The following FBXL2 variants were observed in gnomAD, a reference collection of about 807,000 sequenced individuals.
FBXL2 encodes the protein F-box/LRR-repeat protein 2.
Under a neutral mutation model 69.2 loss-of-function variants are expected in FBXL2, and 38 were observed. That is an observed-to-expected ratio of 0.55 (90% confidence interval 0.42 to 0.72). The LOEUF (loss-of-function observed/expected upper bound fraction) is 0.72, where lower values mean the gene tolerates loss of function less well. FBXL2 is among the 30% of genes least tolerant of loss of function. FBXL2 has a pLI of 0.00. For synonymous variants in FBXL2, 192 were observed against 201.3 expected (o/e 0.95, Z 0.39); for missense variants, 354 against 520.3 (o/e 0.68, Z 3.11).
At chr3:33,318,970 G>A (rs1454735138) in intron 2 of FBXL2, among the ~76,000 whole-genome samples, 1 of 152,180 alleles carries the variant, frequency 6.6e-6, no homozygotes. Context: ...TGAAGGAGAA[G>A]GGAATGTGGA....
At chr3:33,400,301 A>T in intron 12 of FBXL2, 1 of 1,566,580 alleles carries the variant, frequency 6.4e-7, no homozygotes, top group Non-Finnish European at 8.7e-7. Flanking sequence ...AATGAAAATG[A>T]ACATAAATAA....
At chr3:33,404,698 A>G (rs923600146), downstream of FBXL2, among the ~76,000 whole-genome samples, 7 of 152,154 alleles carry the variant, frequency 4.6e-5, no homozygotes, top group African/African-American at 7.2e-5. Context: ...GTTTTTCTGT[A>G]AGTCAGGTGA....
At chr3:33,368,875 C>T (rs1455884487) in intron 5 of FBXL2, among the ~76,000 whole-genome samples, 1 of 151,902 alleles carries the variant, frequency 6.6e-6, no homozygotes. Flanking sequence ...CGTGAGCCAC[C>T]GTGCCCAGCT....
intron 2 of FBXL2, among the ~76,000 whole-genome samples, chr3:33,336,865 A>G (rs1269771539): frequency 6.6e-6 from 1 of 151,648 alleles, no homozygotes; most frequent in Non-Finnish European, 1.5e-5. Context: ...AGATCCCACC[A>G]CTGCACTGCA....
At chr3:33,358,852 G>A in intron 2 of FBXL2, 115 bp from the exon 3 acceptor site, 5 of 532,198 alleles carry the variant, frequency 9.4e-6, no homozygotes, top group East Asian at 3.1e-5. Flanking sequence ...TCAGATTGAG[G>A]AATCTTGAAA....
chr3:33,360,471 GA>G (rs1227494025), intron 4 of FBXL2, among the ~76,000 whole-genome samples: 1 of 152,126 alleles, frequency 6.6e-6, no homozygotes, highest in African/African-American at 2.4e-5. Flanking sequence ...AATAAAGGGG[GA>G]AACCCCTTAT....
In FBXL2 at chr3:33,375,428, C is replaced by A; in HGVS notation, c.788+10C>A. 6.2e-7 allele frequency: 1 copy of A among 1,610,622 alleles called. No homozygotes were observed. Among genetic ancestry groups the A allele is most frequent in the Non-Finnish European group, 8.5e-7 (1 of 1,177,100 alleles). Reference sequence around the variant, plus strand: ...ACTGTCCGCGACTGCAGTGAGTACACTGCACTTTTTGCTTTGCAGCTCAGA... The same window carrying A: ...ACTGTCCGCGACTGCAGTGAGTACAATGCACTTTTTGCTTTGCAGCTCAGA... On this transcript the variant is annotated intron_variant, in intron 10 of 14. Coordinates refer to ENST00000484457, the MANE Select transcript of FBXL2 (RefSeq NM_012157.5).
At chr3:33,316,145 G>C (rs1315286972) in intron 2 of FBXL2, among the ~76,000 whole-genome samples, 2 of 150,788 alleles carry the variant, frequency 1.3e-5, no homozygotes, top group Admixed American at 1.3e-4. Flanking sequence ...TGCAACCTCT[G>C]CTTCCTGGGT....
intron 1 of FBXL2, among the ~76,000 whole-genome samples, chr3:33,295,196 ACTGT>A (rs764603219): frequency 2.0e-5 from 3 of 152,200 alleles, no homozygotes; most frequent in Non-Finnish European, 4.4e-5. Context: ...GACTGTTACA[ACTGT>A]CTAATTCAAG....
intron 1 of FBXL2, among the ~76,000 whole-genome samples, chr3:33,291,557 A>G (rs1428497639): frequency 6.6e-6 from 1 of 152,198 alleles, no homozygotes; most frequent in African/African-American, 2.4e-5. Context: ...ATTATTTGGT[A>G]TATAGTAGAA....
chr3:33,343,096 T>C (rs945198574), intron 2 of FBXL2, among the ~76,000 whole-genome samples: 1 of 151,916 alleles, frequency 6.6e-6, no homozygotes, highest in African/African-American at 2.4e-5. Flanking sequence ...TATATGCATG[T>C]TATAATTTAT....
intron 5 of FBXL2, among the ~76,000 whole-genome samples, chr3:33,365,111 A>C (rs1325681850): frequency 6.6e-6 from 1 of 152,136 alleles, no homozygotes; most frequent in Non-Finnish European, 1.5e-5. Context: ...TTTATATATA[A>C]ATTTTACTAA....
At chr3:33,357,795 C>T (rs1488655936) in intron 2 of FBXL2, among the ~76,000 whole-genome samples, 1 of 152,150 alleles carries the variant, frequency 6.6e-6, no homozygotes, top group Non-Finnish European at 1.5e-5. Flanking sequence ...TCCCAAAGTG[C>T]TGGGATTACA....
chr3:33,412,944 T>G, the FBXL2 span: 1 of 631,412 alleles, frequency 1.6e-6, no homozygotes. Context: ...TAGATTCTGT[T>G]TTAAACATTC....
chr3:33,279,751 A>T (rs1193302260), intron 1 of FBXL2, among the ~76,000 whole-genome samples: 1 of 152,208 alleles, frequency 6.6e-6, no homozygotes, highest in African/African-American at 2.4e-5. Context: ...TTGTGTACAT[A>T]TGTACATAGT....
At chr3:33,399,523 G>A (rs1388478048) in intron 12 of FBXL2, among the ~76,000 whole-genome samples, 1 of 152,232 alleles carries the variant, frequency 6.6e-6, no homozygotes, top group African/African-American at 2.4e-5. Flanking sequence ...TTAGGTGGCC[G>A]TTATGCTAGT....
chr3:33,406,884 T>C (rs2044441999), downstream of FBXL2, among the ~76,000 whole-genome samples: 1 of 152,174 alleles, frequency 6.6e-6, no homozygotes, highest in Non-Finnish European at 1.5e-5. Flanking sequence ...ACTAAGAGTT[T>C]TGTTGTACGG....
At chr3:33,282,709 C>T (rs2034165927) in intron 1 of FBXL2, among the ~76,000 whole-genome samples, 1 of 152,054 alleles carries the variant, frequency 6.6e-6, no homozygotes, top group South Asian at 2.1e-4. Flanking sequence ...TGTTTGTGTC[C>T]TCTTTTATTT....
chr3:33,388,878 G>T (rs957917272), downstream of FBXL2: 5 of 152,174 alleles, frequency 3.3e-5, no homozygotes, highest in African/African-American at 9.7e-5. Flanking sequence ...TTCTGGGAGA[G>T]ATTTCAAACT....
Sources: gnomAD v4.1 joint callset for allele counts (sites outside exome capture counted in the v4.1 genomes callset) on GRCh38, gnomAD v4.1.1 for gene constraint, MANE v1.5 for transcripts, NCBI Gene and HGNC (gene_info 2026-07-23, HGNC 2026-07-21) for gene names.